METTL25: variants seen among roughly 807,000 people sequenced by gnomAD.
METTL25 encodes the protein methyltransferase like 25, also known as probable methyltransferase-like protein 25.
METTL25 carries 64 observed loss-of-function variants against 71.6 expected under a neutral mutation model. The observed-to-expected ratio is 0.89, with a 90% CI of 0.73 to 1.10. The LOEUF (loss-of-function observed/expected upper bound fraction) is 1.10. METTL25 is among the 50% of genes least tolerant of loss of function. The pLI, the probability that METTL25 is intolerant of heterozygous loss-of-function variation, is 0.00. For synonymous variants in METTL25, 287 were observed against 250.3 expected, an observed-to-expected ratio of 1.15 and a Z score of -1.38; for missense variants, 807 against 707.0, an observed-to-expected ratio of 1.14 and a Z score of -1.60.
At chr12:82,391,185 G>C (rs1050128339) in intron 3 of METTL25, among the ~76,000 whole-genome samples, 4 of 152,000 alleles carry the variant, frequency 2.6e-5, no homozygotes, top group Admixed American at 1.3e-4. Context: ...GGGAAATCTG[G>C]TCTGAATGAG....
chr12:82,371,630 G>C (rs2136860445), intron 1 of METTL25, among the ~76,000 whole-genome samples: 1 of 152,180 alleles, frequency 6.6e-6, no homozygotes, highest in African/African-American at 2.4e-5. Flanking sequence ...AGATTGCCAG[G>C]TTTAATAACG....
intron 5 of METTL25, among the ~76,000 whole-genome samples, chr12:82,430,689 G>C (rs972701748): frequency 2.0e-5 from 3 of 151,632 alleles, no homozygotes; most frequent in Non-Finnish European, 4.4e-5. Context: ...ACACAAAGCA[G>C]CTGTGTTGAG....
chr12:82,408,580 A>G (rs928584965), intron 5 of METTL25, among the ~76,000 whole-genome samples: 8 of 141,328 alleles, frequency 5.7e-5, no homozygotes, highest in African/African-American at 1.4e-4. Flanking sequence ...ACCTTTATCA[A>G]TGAACAGATG....
At chr12:82,477,164 A>G in intron 10 of METTL25, 117 bp from the exon 11 acceptor site, 1 of 504,260 alleles carries the variant, frequency 2.0e-6, no homozygotes, top group Non-Finnish European at 3.5e-6. Flanking sequence ...TGGATTTTGG[A>G]GATTCAGCCT....
intron 8 of METTL25, among the ~76,000 whole-genome samples, chr12:82,449,464 A>G (rs1313552092): frequency 6.6e-6 from 1 of 151,808 alleles, no homozygotes; most frequent in African/African-American, 2.4e-5. Context: ...TTATTTTTAC[A>G]CTTTGTGTGT....
chr12:82,400,654 G>T (rs553493913), intron 4 of METTL25, among the ~76,000 whole-genome samples: 1 of 152,014 alleles, frequency 6.6e-6, no homozygotes, highest in South Asian at 2.1e-4. Context: ...GAAAATATAT[G>T]ATCAAAACTG....
In METTL25 at chr12:82,383,913, T is replaced by C. The variant is rs534058552; in HGVS notation, c.260-2890T>C. Among the ~76,000 whole-genome samples the C allele has an allele frequency of 2.6e-5, 4 of 152,214 alleles. No individual in the cohort carries two copies. The South Asian group carries it at 6.2e-4, about 24-fold the overall frequency. Reference sequence around the variant, plus strand: ...ATCCTGGTCTCATATTTGTAGAAAATAATCTCTCCTGCCTCTTTCCTTCCC... The same window carrying C: ...ATCCTGGTCTCATATTTGTAGAAAACAATCTCTCCTGCCTCTTTCCTTCCC... On this transcript the variant is annotated intron_variant, in intron 1 of 11. Transcript: ENST00000248306.
intron 7 of METTL25, 117 bp downstream of exon 7, chr12:82,434,841 C>A (rs1456081792): frequency 2.3e-6 from 2 of 858,790 alleles, no homozygotes; most frequent in Non-Finnish European, 3.8e-6. Context: ...GTCCCAGATG[C>A]ATATTCAAAT....
Position 82,358,737 on chromosome 12 carries a change from G to A in METTL25, c.172G>A (p.Val58Met), listed in dbSNP as rs755655200. Reference sequence around the variant, plus strand: ...GCTGGTCGACTTGCCACCGGAGACAGTGCTGGCTGCGCTGAGGAAGTCAGC... The same window carrying A: ...GCTGGTCGACTTGCCACCGGAGACAATGCTGGCTGCGCTGAGGAAGTCAGC... ...EELVDLPPET[V>M]LAALRKSASE... is the part of the protein sequence containing the mutation. Residue 58 changes from valine to methionine, a missense_variant, in exon 1 of 12, where the codon GTG becomes ATG. Physicochemically the swap from Val to Met is conservative, Grantham distance 21. Coordinates refer to ENST00000248306, the MANE Select transcript of METTL25 (RefSeq NM_032230.3). 3.7e-6 allele frequency: 6 copies of A among 1,614,142 alleles called. No individual in the cohort carries two copies. Among genetic ancestry groups the A allele is most frequent in the Non-Finnish European group, 5.1e-6 (6 of 1,180,040 alleles).
chr12:82,424,294 C>A (rs1242559291), intron 5 of METTL25, among the ~76,000 whole-genome samples: 1 of 151,958 alleles, frequency 6.6e-6, no homozygotes, highest in Non-Finnish European at 1.5e-5. Flanking sequence ...GGACAAAAAA[C>A]CAAACACCGC....
intron 5 of METTL25, among the ~76,000 whole-genome samples, chr12:82,408,497 A>C (rs1447051195): frequency 2.6e-5 from 4 of 152,180 alleles, no homozygotes; most frequent in Non-Finnish European, 4.4e-5. Flanking sequence ...AACAAATTCA[A>C]GGAGAAAAAT....
intron 8 of METTL25, among the ~76,000 whole-genome samples, chr12:82,440,555 C>T (rs963335059): frequency 3.8e-4 from 57 of 151,874 alleles, no homozygotes; most frequent in Non-Finnish European, 2.9e-4. Context: ...AAGATTTGTA[C>T]ATGTTATTTT....
At chr12:82,416,335 C>G (rs763613863) in intron 5 of METTL25, among the ~76,000 whole-genome samples, 2 of 151,612 alleles carry the variant, frequency 1.3e-5, no homozygotes, top group African/African-American at 4.8e-5. Context: ...AAATTGCCTT[C>G]TATATTATTA....
chr12:82,382,645 A>C (rs912542155), intron 1 of METTL25, among the ~76,000 whole-genome samples: 3 of 152,234 alleles, frequency 2.0e-5, no homozygotes, highest in African/African-American at 7.2e-5. Context: ...TAGATATCAT[A>C]ATAAGATTTT....
chr12:82,402,088 T>C (rs1433324500), intron 4 of METTL25, among the ~76,000 whole-genome samples: 2 of 152,046 alleles, frequency 1.3e-5, no homozygotes, highest in Non-Finnish European at 2.9e-5. Flanking sequence ...TTGTACTCAT[T>C]GTGTATGTGT....
chr12:82,444,315 T>C lies in METTL25; in HGVS notation c.1478+5524T>C, dbSNP rs75300548. ...ATATGGTGGCCAGCAAAGCTATCTT[T>C]CAAATATGAAGGGAGATACTCTCCC... On this transcript the variant is annotated intron_variant, in intron 8 of 11. Coordinates refer to ENST00000248306, the MANE Select transcript of METTL25 (RefSeq NM_032230.3). Among the ~76,000 whole-genome samples, 88 of 152,200 alleles carry C rather than the reference T, an allele frequency of 5.8e-4. 1 individual carries two copies. The East Asian group carries it at 0.016, about 28-fold the overall frequency.
rs1280442117 is a variant in METTL25 at position 82,398,729 on chromosome 12, A to G, written c.532-66A>G. The G allele has an allele frequency of 1.6e-5, 18 of 1,134,816 alleles. No homozygotes were observed. The East Asian group carries it at 4.6e-4, about 29-fold the overall frequency. 70.3% of individuals were successfully genotyped at this position (1,134,816 alleles called of 1,614,324 possible). A position where few individuals can be genotyped will look rare whatever the true frequency, so the allele number is the denominator to read the frequency against. ...ATAACTCATTTGTTTACTTCAAAAA[A>G]TCTAGAATGCTTTCTATTACCATTT... On this transcript the variant is annotated intron_variant, in intron 3 of 11. Coordinates refer to ENST00000248306, the MANE Select transcript of METTL25 (RefSeq NM_032230.3).
intron 1 of METTL25, among the ~76,000 whole-genome samples, chr12:82,376,123 C>T (rs1330635139): frequency 6.6e-6 from 1 of 152,184 alleles, no homozygotes; most frequent in African/African-American, 2.4e-5. Context: ...ATGCTCTGAG[C>T]ATTGCTCAAG....
chr12:82,359,306 C>T (rs1881469718), intron 1 of METTL25, among the ~76,000 whole-genome samples: 1 of 150,440 alleles, frequency 6.6e-6, no homozygotes, highest in Non-Finnish European at 1.5e-5. Flanking sequence ...GCACTAGCTG[C>T]AGAGCCACAG....
Sources: allele counts gnomAD v4.1 joint callset (sites outside exome capture counted in the v4.1 genomes callset), GRCh38; gene constraint gnomAD v4.1.1; transcripts MANE v1.5; gene names NCBI Gene and HGNC (gene_info 2026-07-23, HGNC 2026-07-21).